CTNNA3: variants seen among roughly 807,000 people sequenced by gnomAD.
CTNNA3 encodes catenin alpha-3.
A neutral mutation model predicts 95.7 loss-of-function variants in CTNNA3; 76 were observed. That is an observed-to-expected ratio of 0.79 (90% CI 0.66 to 0.96). The LOEUF is 0.96. Ranked by LOEUF, CTNNA3 falls within the 40% of genes least tolerant of loss-of-function variation. The pLI, the probability that CTNNA3 is intolerant of heterozygous loss-of-function variation, is 0.00. For missense variants in CTNNA3, 1,191 were observed against 1,089.8 expected (o/e 1.09, Z -1.31); for synonymous variants, 431 against 374.4 (o/e 1.15, Z -1.74).
At chr10:66,712,779 C>T (rs188569522) in intron 9 of CTNNA3, among the ~76,000 whole-genome samples, 2 of 152,190 alleles carry the variant, frequency 1.3e-5, no homozygotes, top group Admixed American at 1.3e-4. Context: ...TTTACATTTC[C>T]TCTGATACAA....
intron 17 of CTNNA3, among the ~76,000 whole-genome samples, chr10:65,964,135 A>G (rs2077909096): frequency 6.6e-6 from 1 of 152,204 alleles, no homozygotes. Context: ...CCATTTTTCA[A>G]GAGATCTTAT....
chr10:66,980,156 C>G (rs1310883694), intron 7 of CTNNA3, among the ~76,000 whole-genome samples: 1 of 152,152 alleles, frequency 6.6e-6, no homozygotes, highest in Non-Finnish European at 1.5e-5. Flanking sequence ...AAGGCAGACA[C>G]AAGTTATAGG....
chr10:66,299,528 A>G (rs772932074), intron 12 of CTNNA3, among the ~76,000 whole-genome samples: 2 of 152,218 alleles, frequency 1.3e-5, no homozygotes, highest in Non-Finnish European at 2.9e-5. Flanking sequence ...GAGAGGATGA[A>G]AAGTCTGCAC....
chr10:67,696,814 T>C (rs1313064480), upstream of CTNNA3, among the ~76,000 whole-genome samples: 1 of 152,168 alleles, frequency 6.6e-6, no homozygotes, highest in Non-Finnish European at 1.5e-5. Flanking sequence ...TCCCTCAATA[T>C]CTTCACATCC....
At chr10:66,580,909 C>G (rs1286963468) in intron 10 of CTNNA3, among the ~76,000 whole-genome samples, 1 of 151,664 alleles carries the variant, frequency 6.6e-6, no homozygotes, top group East Asian at 1.9e-4. Context: ...CCCCCTCACC[C>G]CTTTTAAGTC....
At chr10:66,397,797 T>A (rs1046379501) in intron 11 of CTNNA3, among the ~76,000 whole-genome samples, 3 of 151,940 alleles carry the variant, frequency 2.0e-5, no homozygotes, top group African/African-American at 7.2e-5. Flanking sequence ...ATCATTGCAT[T>A]ATGTACCGTG....
At chr10:66,134,424 G>A (rs2133858858) in intron 13 of CTNNA3, among the ~76,000 whole-genome samples, 1 of 152,032 alleles carries the variant, frequency 6.6e-6, no homozygotes, top group East Asian at 1.9e-4. Context: ...AGATATTATA[G>A]AAAATATTAA....
At chr10:66,550,892 T>C (rs767917883) in intron 10 of CTNNA3, among the ~76,000 whole-genome samples, 1 of 152,144 alleles carries the variant, frequency 6.6e-6, no homozygotes, top group Non-Finnish European at 1.5e-5. Flanking sequence ...AATATTGTAT[T>C]AGTTAATATA....
intron 5 of CTNNA3, among the ~76,000 whole-genome samples, chr10:67,231,048 C>T (rs1865175893): frequency 6.6e-6 from 1 of 152,186 alleles, no homozygotes; most frequent in Admixed American, 6.5e-5. Flanking sequence ...TCGCTGATTG[C>T]TAGCACAGCA....
At chr10:66,225,945 C>A (rs2089264280) in intron 13 of CTNNA3, among the ~76,000 whole-genome samples, 1 of 151,976 alleles carries the variant, frequency 6.6e-6, no homozygotes, top group Admixed American at 6.6e-5. Flanking sequence ...CTGTTGACTT[C>A]TTTGAGTTCT....
chr10:66,759,542 CA>C (rs2132759255), intron 9 of CTNNA3, among the ~76,000 whole-genome samples: 1 of 152,230 alleles, frequency 6.6e-6, no homozygotes, highest in South Asian at 2.1e-4. Context: ...GACTAAGAAA[CA>C]AAAACAAAGG....
At chr10:66,865,495 T>C (rs1589353055) in intron 7 of CTNNA3, among the ~76,000 whole-genome samples, 1 of 152,268 alleles carries the variant, frequency 6.6e-6, no homozygotes, top group East Asian at 1.9e-4. Context: ...CTGAATATTC[T>C]CGATTCCTTG....
intron 7 of CTNNA3, among the ~76,000 whole-genome samples, chr10:66,814,670 G>A (rs993834856): frequency 2.0e-4 from 30 of 152,094 alleles, no homozygotes; most frequent in African/African-American, 4.8e-4. Context: ...GGGCTGAGGT[G>A]GGAGTATTGC....
intron 5 of CTNNA3, among the ~76,000 whole-genome samples, chr10:67,270,865 CA>C (rs1380742703): frequency 6.6e-6 from 1 of 152,080 alleles, no homozygotes; most frequent in African/African-American, 2.4e-5. Context: ...CTTAAGTCCC[CA>C]CATGGTAATT....
chr10:66,126,504 C>A (rs1296241558), intron 13 of CTNNA3, among the ~76,000 whole-genome samples: 1 of 152,172 alleles, frequency 6.6e-6, no homozygotes, highest in African/African-American at 2.4e-5. Context: ...CAGCAACAAG[C>A]ATGGCTGACA....
rs1447031938 is a variant in CTNNA3 at position 66,928,253 on chromosome 10, C to G, written c.1048-152729G>C. On this transcript the variant is annotated intron_variant, in intron 7 of 17. Transcript: ENST00000433211. ...ATCTACGTGTCATGGAAGCGGTACC[C>G]TGCGAGCATGAAGCAGCTGCAGCAG... 1.9e-6 allele frequency: 3 copies of G among 1,614,174 alleles called. No homozygotes were observed. In the East Asian group the frequency reaches 6.7e-5, roughly 36 times the overall value.
chr10:67,573,475 C>G (rs1024890805), intron 3 of CTNNA3, among the ~76,000 whole-genome samples: 8 of 152,062 alleles, frequency 5.3e-5, no homozygotes, highest in Non-Finnish European at 1.2e-4. Context: ...AGACAGAGAA[C>G]AGGTGCCATC....
At chr10:67,684,004 G>C (rs1333917288) in intron 1 of CTNNA3, among the ~76,000 whole-genome samples, 1 of 152,206 alleles carries the variant, frequency 6.6e-6, no homozygotes, top group Non-Finnish European at 1.5e-5. Flanking sequence ...AAAATTTATT[G>C]TGAAGAGCAA....
At chr10:66,070,587 G>A (rs7075021) in intron 14 of CTNNA3, among the ~76,000 whole-genome samples, 26,042 of 152,024 alleles carry the variant, frequency 0.17, 2,483 homozygotes, top group South Asian at 0.35. Context: ...GGTATATTAT[G>A]GAAAATTATT....
Sources: gnomAD v4.1 joint callset for allele counts (sites outside exome capture counted in the v4.1 genomes callset) on GRCh38, gnomAD v4.1.1 for gene constraint, MANE v1.5 for transcripts, NCBI Gene and HGNC (gene_info 2026-07-23, HGNC 2026-07-21) for gene names.